Variants in IQANK1 observed in about 807,000 individuals in gnomAD.
IQANK1 encodes the protein IQ motif and ankyrin repeat containing 1, also known as IQ motif and ankyrin repeat domain-containing protein 1.
Under a neutral mutation model 22.6 loss-of-function variants are expected in IQANK1, and 30 were observed. The ratio of observed to expected loss-of-function variants is 1.33; its 90% CI spans 0.99 to 1.80. The LOEUF (loss-of-function observed/expected upper bound fraction) is 1.80. IQANK1 is among the 40% of genes most tolerant of loss of function. The pLI is 0.00. For synonymous variants in IQANK1, 122 were observed against 99.6 expected (o/e 1.23, Z -1.34); for missense variants, 275 against 235.2 (o/e 1.17, Z -1.11).
intron 3 of IQANK1, among the ~76,000 whole-genome samples, chr8:143,769,005 G>C (rs546414608): frequency 6.6e-6 from 1 of 151,938 alleles, no homozygotes; most frequent in African/African-American, 2.4e-5. Context: ...CCCAAAATCC[G>C]GGACATCCAT....
intron 1 of IQANK1, among the ~76,000 whole-genome samples, chr8:143,734,599 T>A (rs1818672346): frequency 6.6e-6 from 1 of 150,654 alleles, no homozygotes; most frequent in Non-Finnish European, 1.5e-5. Flanking sequence ...CCCATGCCAG[T>A]CACCCACGAA....
chr8:143,778,164 C>T (rs1819727097), intron 7 of IQANK1, among the ~76,000 whole-genome samples: 1 of 150,924 alleles, frequency 6.6e-6, no homozygotes, highest in Admixed American at 6.6e-5. Context: ...CACTGCACTC[C>T]AGCCTGGGTG....
chr8:143,784,447 C>G (rs1819851174), intron 7 of IQANK1, among the ~76,000 whole-genome samples: 2 of 152,146 alleles, frequency 1.3e-5, no homozygotes, highest in South Asian at 4.1e-4. Flanking sequence ...TCCTGTACAG[C>G]CTGCAGAACC....
chr8:143,745,793 G>C (rs1819016241), intron 3 of IQANK1: 1 of 152,142 alleles, frequency 6.6e-6, no homozygotes, highest in African/African-American at 2.4e-5. Context: ...GTGCAGTGTT[G>C]TGATCATGCC....
chr8:143,789,384 G>T, intron 9 of IQANK1, 52 bp from the exon 10 acceptor site: 1 of 1,020,250 alleles, frequency 9.8e-7, no homozygotes, highest in Non-Finnish European at 1.3e-6. Context: ...GGAGTGACCT[G>T]GTCGGAGGAT....
intron 3 of IQANK1, among the ~76,000 whole-genome samples, chr8:143,757,485 C>T (rs1047922148): frequency 1.3e-5 from 2 of 152,046 alleles, no homozygotes; most frequent in Admixed American, 6.5e-5. Context: ...TATAGGCGCC[C>T]GCCACCACGC....
chr8:143,763,579 G>A (rs552432841), intron 3 of IQANK1, among the ~76,000 whole-genome samples: 7 of 152,280 alleles, frequency 4.6e-5, no homozygotes, highest in South Asian at 4.1e-4. Context: ...TCACAAGCTC[G>A]CACGAGAGCT....
intron 3 of IQANK1, among the ~76,000 whole-genome samples, chr8:143,749,727 T>C (rs1211078765): frequency 6.7e-6 from 1 of 149,866 alleles, no homozygotes; most frequent in Admixed American, 6.7e-5. Context: ...CATGCCTGGC[T>C]AATTTTTGTG....
At chr8:143,754,652 GTCTC>G (rs1819255719) in intron 3 of IQANK1, among the ~76,000 whole-genome samples, 1 of 151,934 alleles carries the variant, frequency 6.6e-6, no homozygotes, top group African/African-American at 2.4e-5. Flanking sequence ...TTGAGATGGA[GTCTC>G]TCTCTGTTGC....
intron 3 of IQANK1, among the ~76,000 whole-genome samples, chr8:143,749,669 C>T (rs1458380692): frequency 3.4e-5 from 5 of 146,786 alleles, no homozygotes; most frequent in African/African-American, 1.2e-4. Flanking sequence ...GATCTCGGCT[C>T]ACTGCAATCT....
At chr8:143,782,523 G>C (rs1170308213) in intron 7 of IQANK1, among the ~76,000 whole-genome samples, 1 of 151,780 alleles carries the variant, frequency 6.6e-6, no homozygotes, top group Non-Finnish European at 1.5e-5. Flanking sequence ...TTGTTGCCCA[G>C]GCTCTGGAGT....
chr8:143,746,498 T>C (rs1424814156), intron 3 of IQANK1, among the ~76,000 whole-genome samples: 1 of 152,114 alleles, frequency 6.6e-6, no homozygotes, highest in Non-Finnish European at 1.5e-5. Flanking sequence ...TCCTCCCATC[T>C]CAGCCTCCCA....
intron 3 of IQANK1, among the ~76,000 whole-genome samples, chr8:143,753,097 G>A (rs1358445093): frequency 1.4e-5 from 2 of 141,366 alleles, no homozygotes; most frequent in Non-Finnish European, 3.0e-5. Flanking sequence ...TTGACCTCCT[G>A]GGCTTAAGCA....
At chr8:143,745,694 A>G (rs1198840546) in intron 3 of IQANK1, 1 of 152,038 alleles carries the variant, frequency 6.6e-6, no homozygotes, top group African/African-American at 2.4e-5. Context: ...TGCTGGGATT[A>G]CAGGCTTCAG....
intron 2 of IQANK1, chr8:143,739,344 G>T (rs1186863334): frequency 6.6e-6 from 1 of 152,590 alleles, no homozygotes; most frequent in Non-Finnish European, 1.5e-5. Context: ...ACACTGGCCG[G>T]ACTGGTTTGC....
At chr8:143,779,494 G>GT (rs1385717069) in intron 7 of IQANK1, among the ~76,000 whole-genome samples, 6 of 152,152 alleles carry the variant, frequency 3.9e-5, no homozygotes, top group African/African-American at 1.2e-4. Flanking sequence ...AATTTTTCAT[G>GT]TATCAGTTCA....
intron 3 of IQANK1, among the ~76,000 whole-genome samples, chr8:143,752,705 A>T (rs894391061): frequency 6.6e-6 from 1 of 152,242 alleles, no homozygotes; most frequent in Admixed American, 6.5e-5. Context: ...TTGCCTAAGT[A>T]TTAAATACAG....
chr8:143,776,140 T>C (rs1405666077), intron 7 of IQANK1, among the ~76,000 whole-genome samples: 2 of 150,484 alleles, frequency 1.3e-5, no homozygotes, highest in Non-Finnish European at 2.9e-5. Flanking sequence ...GCTAACACGG[T>C]GAAACCCCGT....
chr8:143,786,345 T>C (rs1322659545), intron 7 of IQANK1, among the ~76,000 whole-genome samples: 7 of 152,252 alleles, frequency 4.6e-5, no homozygotes, highest in African/African-American at 1.4e-4. Context: ...CGGAGGCTAC[T>C]GTCCTTAGGA....
Sources: allele counts gnomAD v4.1 joint callset (sites outside exome capture counted in the v4.1 genomes callset), GRCh38; gene constraint gnomAD v4.1.1; transcripts MANE v1.5; gene names NCBI Gene and HGNC (gene_info 2026-07-23, HGNC 2026-07-21).